Variants in CTNNA1 observed in about 807,000 individuals in gnomAD.
The protein encoded by CTNNA1 is catenin alpha 1, also known as catenin alpha-1.
In CTNNA1, 37 loss-of-function variants were observed where a neutral mutation model predicts 98.4. The ratio of observed to expected loss-of-function variants is 0.38; its 90% confidence interval spans 0.29 to 0.49. The LOEUF (loss-of-function observed/expected upper bound fraction) is 0.49. Among genes scored for constraint, CTNNA1 ranks in the 20% least tolerant of loss-of-function variants. The pLI is 0.95. For synonymous variants in CTNNA1, 404 were observed against 413.2 expected (o/e 0.98, Z 0.27); for missense variants, 761 against 1,147.2 (o/e 0.66, Z 4.86).
At position 138,848,575 on chromosome 5, in the gene CTNNA1, A is replaced by G. The variant is rs187972919; in HGVS notation, c.1062+20857A>G. On this transcript the variant is annotated intron_variant, in intron 7 of 17. Coordinates refer to ENST00000302763, the MANE Select transcript of CTNNA1 (RefSeq NM_001903.5). ...CCTTTTACATGTGTATTCTGATAAT[A>G]ATGTCTAAAGACTGTGTCCCTGTTG... Among the ~76,000 whole-genome samples, 10 of 152,324 alleles carry G rather than the reference A, an allele frequency of 6.6e-5. No individual in the cohort carries two copies. The East Asian group carries it at 1.3e-3, about 21-fold the overall frequency.
chr5:138,904,582 CA>C lies in CTNNA1; in HGVS notation c.1389+142del, dbSNP rs1388548298. ...GGGGACAGATCACTGACACAGAACCCACATAGTTTGGAATATTTTTTGTTTA... is the reference window on the plus strand; with the variant it reads ...GGGGACAGATCACTGACACAGAACCCCATAGTTTGGAATATTTTTTGTTTA... On this transcript the variant is annotated intron_variant, in intron 10 of 17. Transcript: ENST00000302763. 3 of 1,070,184 alleles carry C rather than the reference CA, an allele frequency of 2.8e-6. No individual in the cohort carries two copies. The African/African-American group carries it at 4.8e-5, about 17-fold the overall frequency. The allele number at this position is 1,070,184 out of a possible 1,614,324, so 66.3% of individuals were successfully genotyped here.
chr5:138,817,225 T>C (rs1455252266), intron 5 of CTNNA1, among the ~76,000 whole-genome samples: 2 of 152,234 alleles, frequency 1.3e-5, no homozygotes, highest in Non-Finnish European at 2.9e-5. Flanking sequence ...TTCCATTTTT[T>C]CCTGGCCTGT....
At chr5:138,884,516 A>G (rs903462657) in intron 7 of CTNNA1, among the ~76,000 whole-genome samples, 2 of 152,198 alleles carry the variant, frequency 1.3e-5, no homozygotes, top group Non-Finnish European at 1.5e-5. Context: ...CAAAATATTA[A>G]TATTTCAGAT....
intron 7 of CTNNA1, among the ~76,000 whole-genome samples, chr5:138,868,750 G>C (rs530755279): frequency 3.9e-5 from 6 of 152,168 alleles, no homozygotes; most frequent in African/African-American, 1.4e-4. Flanking sequence ...ACCTCTCTCT[G>C]AAGACAGGTA....
At chr5:138,821,464 A>G (rs1760037041) in intron 5 of CTNNA1, among the ~76,000 whole-genome samples, 1 of 152,224 alleles carries the variant, frequency 6.6e-6, no homozygotes, top group Non-Finnish European at 1.5e-5. Flanking sequence ...TGGACACTGA[A>G]TAGTAATGTT....
chr5:138,902,945 A>C (rs1409855694), intron 9 of CTNNA1, among the ~76,000 whole-genome samples: 1 of 151,780 alleles, frequency 6.6e-6, no homozygotes, highest in Admixed American at 6.6e-5. Context: ...TTTTGCAGTG[A>C]TTTTTTAAGC....
chr5:138,755,636 G>T (rs140216720), intron 1 of CTNNA1, among the ~76,000 whole-genome samples: 1 of 152,220 alleles, frequency 6.6e-6, no homozygotes, highest in East Asian at 1.9e-4. Flanking sequence ...AGTCTCTTCT[G>T]TCATCAGCCT....
intron 9 of CTNNA1, among the ~76,000 whole-genome samples, chr5:138,887,903 C>T (rs1002295200): frequency 3.9e-5 from 6 of 152,148 alleles, no homozygotes; most frequent in African/African-American, 1.4e-4. Flanking sequence ...AAAGATAAAT[C>T]ATGACATGAC....
At chr5:138,859,989 C>T (rs183463042) in intron 7 of CTNNA1, among the ~76,000 whole-genome samples, 35 of 151,946 alleles carry the variant, frequency 2.3e-4, no homozygotes, top group Middle Eastern at 3.4e-3. Context: ...AAACTGAGGG[C>T]GGGGTGTGGT....
intron 7 of CTNNA1, among the ~76,000 whole-genome samples, chr5:138,829,746 G>A (rs962778018): frequency 6.6e-6 from 1 of 152,124 alleles, no homozygotes; most frequent in Non-Finnish European, 1.5e-5. Context: ...TGAGTATTAT[G>A]GTAGGGATCT....
chr5:138,822,947 G>C (rs1760183985), intron 5 of CTNNA1, among the ~76,000 whole-genome samples: 1 of 152,220 alleles, frequency 6.6e-6, no homozygotes, highest in Admixed American at 6.5e-5. Context: ...AGCTAAGTCA[G>C]ATGGCTAATT....
rs2150359425 is a variant in CTNNA1, at chr5:138,933,951, G to C, written c.2583G>C (p.Met861Ile). ...SLNLPAVSWK[M>I]KAPEKKPLVK... Reference sequence around the variant, plus strand: ...ACCTTCCTGCTGTGTCATGGAAGATGAAGGCACCAGAGAAAAAGCCATTGG... The same window carrying C: ...ACCTTCCTGCTGTGTCATGGAAGATCAAGGCACCAGAGAAAAAGCCATTGG... The change falls in exon 18 of 18, where the codon ATG becomes ATC. Residue 861 changes from methionine (M) to isoleucine (I), a missense_variant. By Grantham distance (10) the Met-to-Ile change is conservative (BLOSUM62 1). Coordinates refer to ENST00000302763, the MANE Select transcript of CTNNA1 (RefSeq NM_001903.5). 1 of 1,614,182 alleles carries C rather than the reference G, an allele frequency of 6.2e-7. No individual in the cohort carries two copies. Among genetic ancestry groups the C allele is most frequent in the East Asian group, 2.2e-5 (1 of 44,886 alleles).
intron 11 of CTNNA1, among the ~76,000 whole-genome samples, chr5:138,923,887 G>A (rs950665601): frequency 6.6e-6 from 1 of 152,226 alleles, no homozygotes; most frequent in African/African-American, 2.4e-5. Flanking sequence ...CTTCATAGGA[G>A]TCAGGGGTTT....
At chr5:138,894,616 C>T (rs1035171787) in intron 9 of CTNNA1, among the ~76,000 whole-genome samples, 1 of 151,998 alleles carries the variant, frequency 6.6e-6, no homozygotes, top group Non-Finnish European at 1.5e-5. Context: ...ACTGCCATCT[C>T]TCACTGGGCT....
intron 16 of CTNNA1, 165 bp from the exon 17 acceptor site, chr5:138,932,413 A>AGT: frequency 7.0e-7 from 1 of 1,433,212 alleles, no homozygotes. Flanking sequence ...CCCCAAGCAG[A>AGT]GTGTAGGCAA....
intron 1 of CTNNA1, among the ~76,000 whole-genome samples, chr5:138,763,083 A>G (rs538213295): frequency 6.8e-4 from 90 of 133,114 alleles, no homozygotes; most frequent in African/African-American, 2.3e-3. Flanking sequence ...CTCTCTTGAA[A>G]GTGTCTTATT....
intron 7 of CTNNA1, among the ~76,000 whole-genome samples, chr5:138,858,799 A>C (rs1024956836): frequency 2.0e-5 from 3 of 151,704 alleles, no homozygotes; most frequent in African/African-American, 7.3e-5. Flanking sequence ...GGGTTTCACC[A>C]CTTTGGCCAT....
At chr5:138,884,694 C>T (rs541303848) in intron 7 of CTNNA1, among the ~76,000 whole-genome samples, 1 of 152,234 alleles carries the variant, frequency 6.6e-6, no homozygotes, top group South Asian at 2.1e-4. Flanking sequence ...TGCCTGAATT[C>T]CAAAGGGAGG....
chr5:138,848,214 G>C (rs560629869), intron 7 of CTNNA1, among the ~76,000 whole-genome samples: 1 of 152,238 alleles, frequency 6.6e-6, no homozygotes, highest in Non-Finnish European at 1.5e-5. Flanking sequence ...GCTTTCCCAA[G>C]TCTATGTTTC....
Sources: allele counts gnomAD v4.1 joint callset (sites outside exome capture counted in the v4.1 genomes callset), GRCh38; gene constraint gnomAD v4.1.1; transcripts MANE v1.5; gene names NCBI Gene and HGNC (gene_info 2026-07-23, HGNC 2026-07-21).